Variants in PARP1 observed in about 807,000 individuals in gnomAD.
PARP1 encodes the protein poly(ADP-ribose) polymerase 1.
A neutral mutation model predicts 118.7 loss-of-function variants in PARP1; 44 were observed. The observed-to-expected ratio is 0.37, with a 90% CI of 0.29 to 0.48. The LOEUF (loss-of-function observed/expected upper bound fraction) is 0.48. Ranked by LOEUF, PARP1 falls within the 20% of genes least tolerant of loss-of-function variation. The probability of loss-of-function intolerance (pLI) is 0.99; values close to 1 mark genes in which losing one functional copy is unlikely to be tolerated. For synonymous variants in PARP1, 492 were observed against 483.2 expected, an observed-to-expected ratio of 1.02 and a Z score of -0.24; for missense variants, 1,100 against 1,272.4, an observed-to-expected ratio of 0.86 and a Z score of 2.06.
At chr1:226,381,741 C>T (rs546906850) in intron 8 of PARP1, among the ~76,000 whole-genome samples, 2 of 152,236 alleles carry the variant, frequency 1.3e-5, no homozygotes, top group South Asian at 4.1e-4. Context: ...CTGGTGTGCA[C>T]TGACCCAGGC....
chr1:226,392,515 C>T (rs749001723), intron 2 of PARP1: 1 of 605,842 alleles, frequency 1.7e-6, no homozygotes, highest in Non-Finnish European at 3.0e-6. Flanking sequence ...ATAAATGACC[C>T]TTCTCAGACT....
chr1:226,388,816 C>G (rs1007848881), intron 4 of PARP1, 61 bp from the exon 5 acceptor site: 1 of 1,247,842 alleles, frequency 8.0e-7, no homozygotes, highest in African/African-American at 1.5e-5. Flanking sequence ...CACCCAATGA[C>G]TTGCGGTGAT....
At chr1:226,370,773 C>A in intron 14 of PARP1, 1 of 542,978 alleles carries the variant, frequency 1.8e-6, no homozygotes, top group Non-Finnish European at 3.4e-6. Context: ...TGCCCCTATG[C>A]CCAGTTTCAA....
intron 15 of PARP1, among the ~76,000 whole-genome samples, chr1:226,370,128 C>T (rs1285388273): frequency 6.6e-6 from 1 of 152,048 alleles, no homozygotes; most frequent in Non-Finnish European, 1.5e-5. Context: ...AACCAATCCC[C>T]GAGGATACAG....
intron 1 of PARP1, among the ~76,000 whole-genome samples, chr1:226,405,578 TTA>T (rs907291011): frequency 4.6e-5 from 7 of 152,160 alleles, no homozygotes; most frequent in Admixed American, 6.5e-5. Context: ...AGTGCTGAGA[TTA>T]CAAGCATGCG....
At chr1:226,382,549 T>C (rs1018999672) in intron 8 of PARP1, among the ~76,000 whole-genome samples, 1 of 152,290 alleles carries the variant, frequency 6.6e-6, no homozygotes, top group Middle Eastern at 3.4e-3. Flanking sequence ...TTTTTAGAGA[T>C]AGGGTATCAC....
At position 226,381,067 on chromosome 1, in the gene PARP1, C is replaced by T. The variant is rs112531998; in HGVS notation, c.1300+1G>A. On this transcript the variant is annotated splice_donor_variant, in intron 9 of 22. Transcript: ENST00000366794. LOFTEE classifies it high-confidence loss of function. Reference sequence around the variant, plus strand: ...GTTGCACAAATTCAGATTCAACTCACTTTTGGTGCTGATGCACAGGGAAGC... The same window carrying T: ...GTTGCACAAATTCAGATTCAACTCATTTTTGGTGCTGATGCACAGGGAAGC... 6.2e-7 allele frequency: 1 copy of T among 1,614,212 alleles called. No individual in the cohort carries two copies. The highest frequency in any genetic ancestry group is 1.1e-5 in the South Asian group (1 of 91,080).
chr1:226,360,739 G>T lies in PARP1; in HGVS notation c.*721C>A, dbSNP rs779752350. The T allele has an allele frequency of 4.4e-6, 1 of 227,314 alleles. No homozygotes were observed. The highest frequency in any genetic ancestry group is 8.7e-6 in the Non-Finnish European group (1 of 114,508). The allele number at this position is 227,314 out of a possible 1,614,324, so 14.1% of individuals were successfully genotyped here. On this transcript the variant is annotated 3_prime_UTR_variant, in exon 23 of 23. Transcript: ENST00000366794. ...ATCGAGTATTACTATTAGCCCTTGG[G>T]TAAGTATATTTGTGGTAGAGTTTTA...
In PARP1 at chr1:226,366,059, A is replaced by C; in HGVS notation, c.2407-7T>G. 6.3e-7 allele frequency: 1 copy of C among 1,597,720 alleles called. No individual in the cohort carries two copies. Among genetic ancestry groups the C allele is most frequent in the Middle Eastern group, 1.7e-4 (1 of 6,032 alleles). On this transcript the variant is annotated splice_region_variant and splice_polypyrimidine_tract_variant and intron_variant, in intron 17 of 22. Coordinates refer to ENST00000366794, the MANE Select transcript of PARP1 (RefSeq NM_001618.4). ...CAGAATCTCTGTCAACCACCTGGAT[A>C]AACAGAATCTTGGGATTAGCACAAA... is the stretch of plus-strand genomic sequence containing the variant.
chr1:226,379,538 C>T, intron 11 of PARP1, 35 bp downstream of exon 11: 1 of 1,562,594 alleles, frequency 6.4e-7, no homozygotes, highest in Non-Finnish European at 8.8e-7. Context: ...TGGGGGGCGG[C>T]ACAGCCCACT....
At chr1:226,363,746 T>C (rs1232361449) in intron 20 of PARP1, among the ~76,000 whole-genome samples, 197 bp downstream of exon 20, 10 of 152,212 alleles carry the variant, frequency 6.6e-5, no homozygotes, top group Non-Finnish European at 1.2e-4. Flanking sequence ...CCCTTGCATT[T>C]CCTGAAGTAT....
intron 20 of PARP1, 130 bp downstream of exon 20, chr1:226,363,813 G>T: frequency 3.2e-6 from 3 of 948,480 alleles, no homozygotes; most frequent in East Asian, 4.9e-5. Context: ...TATAAGAAAA[G>T]AATCCTAATT....
chr1:226,386,246 C>T, intron 6 of PARP1, 80 bp downstream of exon 6: 1 of 859,668 alleles, frequency 1.2e-6, no homozygotes, highest in Non-Finnish European at 2.0e-6. Context: ...GAGGGCCTCC[C>T]ACACTCCATT....
At chr1:226,382,711 G>A (rs558594280) in intron 8 of PARP1, among the ~76,000 whole-genome samples, 1 of 152,266 alleles carries the variant, frequency 6.6e-6, no homozygotes, top group Admixed American at 6.5e-5. Context: ...TAGAGATGGG[G>A]TCTCACTACA....
rs1664450874 is a variant in PARP1, at chr1:226,374,360, G to A, written c.1942-6C>T. On this transcript the variant is annotated splice_polypyrimidine_tract_variant and splice_region_variant and intron_variant, in intron 13 of 22. Transcript: ENST00000366794. ...TTCTTCACTGCCTCTTCATCCTTCA[G>A]GAAAAAAGCACATTGCTAAGAGACC... 4 of 1,614,124 alleles carry A rather than the reference G, an allele frequency of 2.5e-6. No homozygotes were observed. Among genetic ancestry groups the A allele is most frequent in the Non-Finnish European group, 3.4e-6 (4 of 1,180,022 alleles).
At chr1:226,402,646 A>C (rs1665061006) in intron 1 of PARP1, among the ~76,000 whole-genome samples, 1 of 152,230 alleles carries the variant, frequency 6.6e-6, no homozygotes, top group African/African-American at 2.4e-5. Flanking sequence ...CACAGCCACG[A>C]GAAAGGTGGC....
chr1:226,399,298 C>T (rs546836822), intron 2 of PARP1, among the ~76,000 whole-genome samples: 183 of 152,156 alleles, frequency 1.2e-3, no homozygotes, highest in South Asian at 1.9e-3. Flanking sequence ...TCTCGAACTC[C>T]TGACCTCGTA....
intron 1 of PARP1, 126 bp from the exon 2 acceptor site, chr1:226,402,505 T>C: frequency 1.1e-6 from 1 of 883,738 alleles, no homozygotes; most frequent in East Asian, 2.6e-5. Context: ...GAAACTTTTG[T>C]TCTCCTATCT....
At chr1:226,379,866 C>G in intron 10 of PARP1, 56 bp downstream of exon 10, 1 of 1,611,670 alleles carries the variant, frequency 6.2e-7, no homozygotes, top group African/African-American at 1.3e-5. Context: ...GGACAACAAC[C>G]TGGCCACCAA....
Sources: gnomAD v4.1 joint callset for allele counts (sites outside exome capture counted in the v4.1 genomes callset) on GRCh38, gnomAD v4.1.1 for gene constraint, MANE v1.5 for transcripts, NCBI Gene and HGNC (gene_info 2026-07-23, HGNC 2026-07-21) for gene names.